The following ASPM variants were observed in gnomAD, a reference collection of about 807,000 sequenced individuals.
The protein encoded by ASPM is abnormal spindle-like microcephaly-associated protein.
Under a neutral mutation model 366.4 loss-of-function variants are expected in ASPM, and 256 were observed. The ratio of observed to expected loss-of-function variants is 0.70; its 90% CI spans 0.63 to 0.77. The LOEUF is 0.77. Among genes scored for constraint, ASPM ranks in the 30% least tolerant of loss-of-function variants. The probability of loss-of-function intolerance (pLI) is 0.00; values close to 1 mark genes in which losing one functional copy is unlikely to be tolerated. For synonymous variants in ASPM, 1,414 were observed against 1,342.9 expected (o/e 1.05, Z -1.16); for missense variants, 4,146 against 4,090.4 (o/e 1.01, Z -0.37).
Position 197,130,008 on chromosome 1 carries a change from CTG to C in ASPM, c.2534_2535del (p.Thr845ArgfsTer15). ...CGATTCAGAATAAACATAGCCAACC[CTG>C]TGACATCACTGTTATCTTCCAAAGA... The part of the protein sequence containing the change: ...LISLEDNSDV[T>X]GLAMFILNRL... On this transcript the variant is annotated frameshift_variant, in exon 8 of 28. Transcript: ENST00000367409. LOFTEE classifies it high-confidence loss of function. 6.2e-7 allele frequency: 1 copy of C among 1,613,964 alleles called. No homozygotes were observed. Among genetic ancestry groups the C allele is most frequent in the Non-Finnish European group, 8.5e-7 (1 of 1,179,918 alleles).
intron 25 of ASPM, among the ~76,000 whole-genome samples, chr1:197,089,092 G>A (rs887191698): frequency 6.6e-5 from 10 of 152,036 alleles, no homozygotes; most frequent in Admixed American, 4.6e-4. Context: ...ACAGTTTTGA[G>A]TACTGTTACT....
intron 16 of ASPM, among the ~76,000 whole-genome samples, chr1:197,121,322 C>T (rs1657900712): frequency 6.6e-6 from 1 of 151,918 alleles, no homozygotes; most frequent in African/African-American, 2.4e-5. Flanking sequence ...CTATTGGGGT[C>T]ACAAAGGGAA....
At chr1:197,145,717 A>G (rs1460276192) in intron 1 of ASPM, among the ~76,000 whole-genome samples, 1 of 152,160 alleles carries the variant, frequency 6.6e-6, no homozygotes, top group Non-Finnish European at 1.5e-5. Flanking sequence ...CAACGCCTTA[A>G]GTCTAGTAAA....
intron 3 of ASPM, among the ~76,000 whole-genome samples, chr1:197,140,277 T>G (rs896009439): frequency 6.6e-6 from 1 of 152,226 alleles, no homozygotes; most frequent in Non-Finnish European, 1.5e-5. Flanking sequence ...TTGAGTTAAC[T>G]TATGAAATTA....
intron 17 of ASPM, among the ~76,000 whole-genome samples, chr1:197,114,242 T>C (rs1199030131): frequency 6.6e-6 from 1 of 152,226 alleles, no homozygotes; most frequent in Non-Finnish European, 1.5e-5. Flanking sequence ...TTAAAAATAC[T>C]AAATTGCTAA....
chr1:197,117,154 A>G (rs970301423), intron 17 of ASPM, among the ~76,000 whole-genome samples: 1 of 152,094 alleles, frequency 6.6e-6, no homozygotes, highest in African/African-American at 2.4e-5. Flanking sequence ...AGACACAAAA[A>G]CTTTCAAATT....
chr1:197,090,784 G>T, intron 23 of ASPM, 66 bp downstream of exon 23: 1 of 1,426,978 alleles, frequency 7.0e-7, no homozygotes. Context: ...TTTTTATAGT[G>T]TTAGATATCA....
chr1:197,132,264 A>T, intron 7 of ASPM, 21 bp downstream of exon 7: 1 of 1,562,824 alleles, frequency 6.4e-7, no homozygotes. Flanking sequence ...ATTATTTTAG[A>T]AACCTGAAAT....
chr1:197,104,810 AT>A lies in ASPM; in HGVS notation c.4440del (p.Glu1480AspfsTer36). The A allele has an allele frequency of 6.3e-7, 1 of 1,579,632 alleles. No individual in the cohort carries two copies. Among genetic ancestry groups the A allele is most frequent in the Non-Finnish European group, 8.6e-7 (1 of 1,166,254 alleles). On this transcript the variant is annotated frameshift_variant, in exon 18 of 28. Transcript: ENST00000367409. LOFTEE classifies it high-confidence loss of function. ...GATCTAATATAAATATATTTCCGTA[AT>A]TCTTTATGCATTCTATACCATGATT... Reference protein sequence around the residue: ...IIQSWYRMHKELRKYIYIRSC... With the variant: ...IIQSWYRMHKXLRKYIYIRSC...
At position 197,122,407 on chromosome 1, in the gene ASPM, A is replaced by T. The variant is rs4915337; in HGVS notation, c.3579T>A (p.Ser1193=). 0.89 allele frequency: 1,429,030 copies of T among 1,613,582 alleles called. 641,187 individuals are homozygous for T. The highest frequency in any genetic ancestry group is 1 in the East Asian group (44,836 of 44,852). Reference sequence around the variant, plus strand: ...ACTAACCATGATCAAATGCTTTAAGAGACATATCCAGAGAACTGTCATCAG... The same window carrying T: ...ACTAACCATGATCAAATGCTTTAAGTGACATATCCAGAGAACTGTCATCAG... ...SESDDSSLDM[S]LKAFDHENTS... Residue 1193 remains serine, a synonymous_variant, in exon 14 of 28, where the codon TCT becomes TCA. Transcript: ENST00000367409.
In ASPM at chr1:197,146,328, G is replaced by C; in HGVS notation, c.110C>G (p.Pro37Arg). ...GCAGAAGTGGCTGAGAGACAGGACC[G>C]GCGGGGAAGACGCCTCCTCCTCGGC... is the stretch of plus-strand genomic sequence containing the variant. Reference protein sequence around the residue: ...PAAEEEASSPPVLSLSHFCRS... With the variant: ...PAAEEEASSPRVLSLSHFCRS... The change falls in exon 1 of 28, where the codon CCG becomes CGG. Residue 37 changes from proline to arginine, a missense_variant. Physicochemically the swap from Pro to Arg is moderately radical, Grantham distance 103 (BLOSUM62 -2). This residue lies in a region of ASPM where 512 missense variants were observed against 471.7 expected (regional missense o/e 1.09). Coordinates refer to ENST00000367409, the MANE Select transcript of ASPM (RefSeq NM_018136.5). 1.9e-6 allele frequency: 3 copies of C among 1,613,354 alleles called. No individual in the cohort carries two copies. The highest frequency in any genetic ancestry group is 2.5e-6 in the Non-Finnish European group (3 of 1,179,974).
chr1:197,104,568 T>G lies in ASPM; in HGVS notation c.4683A>C (p.Arg1561Ser). Residue 1561 changes from arginine (R) to serine (S), a missense_variant, in exon 18 of 28, where the codon AGA becomes AGC. This residue lies in a region of ASPM where 3,624 missense variants were observed against 3,591.7 expected (regional missense o/e 1.01). Transcript: ENST00000367409. ...AGTATGACTGAATAACACAAGCAGC[T>G]CTAATTTGTCTACATAAATTATGAG... Reference protein sequence around the residue: ...LKAHNLCRQIRAACVIQSYWR... With the variant: ...LKAHNLCRQISAACVIQSYWR... The G allele has an allele frequency of 6.2e-7, 1 of 1,612,890 alleles. No homozygotes were observed. Among genetic ancestry groups the G allele is most frequent in the Non-Finnish European group, 8.5e-7 (1 of 1,179,418 alleles).
intron 17 of ASPM, among the ~76,000 whole-genome samples, chr1:197,112,584 C>A (rs920135775): frequency 6.6e-6 from 1 of 152,054 alleles, no homozygotes; most frequent in African/African-American, 2.4e-5. Flanking sequence ...ATTCAGCTAC[C>A]CCTGTGCTCA....
chr1:197,138,481 A>G (rs1658484980), intron 4 of ASPM, among the ~76,000 whole-genome samples: 1 of 152,174 alleles, frequency 6.6e-6, no homozygotes, highest in Non-Finnish European at 1.5e-5. Flanking sequence ...TATTCCCAGC[A>G]GAGACAGGGC....
In ASPM at chr1:197,102,214, CTGAA is replaced by C; in HGVS notation, c.7033_7036del (p.Phe2345GlufsTer7). 2 of 1,612,794 alleles carry C rather than the reference CTGAA, an allele frequency of 1.2e-6. No individual in the cohort carries two copies. The highest frequency in any genetic ancestry group is 1.7e-6 in the Non-Finnish European group (2 of 1,179,298). The stretch of plus-strand genomic sequence containing the variant: ...ATATCTCATATGTAATCTGTGCATT[CTGAA>C]AGTAGACTGGATGAAAGTAGCAGCC... On this transcript the variant is annotated frameshift_variant, in exon 18 of 28. Transcript: ENST00000367409. LOFTEE classifies it high-confidence loss of function.
chr1:197,093,515 A>G (rs1488353547), intron 20 of ASPM, among the ~76,000 whole-genome samples: 2 of 151,896 alleles, frequency 1.3e-5, no homozygotes, highest in African/African-American at 4.8e-5. Context: ...TCCTCTTGAT[A>G]CTTTTCATTG....
chr1:197,130,860 A>ATT lies in ASPM; in HGVS notation c.2488-805_2488-804insAA, dbSNP rs200180788. Among the ~76,000 whole-genome samples the ATT allele has an allele frequency of 3.9e-4, 60 of 152,324 alleles. No individual in the cohort carries two copies. In the East Asian group the frequency reaches 8.9e-3, roughly 23 times the overall value. ...ATTCCTAACTAGTTTGTGCTTAGCT[A>ATT]CATAATGTGCTTTGGCCAATGGAAT... On this transcript the variant is annotated intron_variant, in intron 7 of 27. Coordinates refer to ENST00000367409, the MANE Select transcript of ASPM (RefSeq NM_018136.5).
Position 197,132,343 on chromosome 1 carries a change from T to C in ASPM, c.2429A>G (p.Gln810Arg), listed in dbSNP as rs1658282350. 1 of 1,613,364 alleles carries C rather than the reference T, an allele frequency of 6.2e-7. No homozygotes were observed. The highest frequency in any genetic ancestry group is 8.5e-7 in the Non-Finnish European group (1 of 1,179,546). Residue 810 changes from glutamine to arginine, a missense_variant, in exon 7 of 28, where the codon CAG becomes CGG. By Grantham distance (43) the Gln-to-Arg change is conservative. Coordinates refer to ENST00000367409, the MANE Select transcript of ASPM (RefSeq NM_018136.5). ...RHLWKDVGERQKVLNWLLSYN... is the reference protein window; with the variant it reads ...RHLWKDVGERRKVLNWLLSYN... ...GGACAACAGCCAATTCAGGACTTTC[T>C]GACGTTCTCCTGAAATGCATGTCAA... is the stretch of plus-strand genomic sequence containing the variant.
In ASPM at chr1:197,117,953, A is replaced by G. The variant is rs1162621745; in HGVS notation, c.3901T>C (p.Leu1301=). The change falls in exon 17 of 28, where the codon TTG becomes CTG. Residue 1301 remains leucine, a synonymous_variant. Transcript: ENST00000367409. ...TTTGCTAGAAAATTGATTACAGCCA[A>G]TTGAATAATTCTTGCAGCTTTCTCT... ...EREKAARIIQ[L]AVINFLAKQR... is the part of the protein sequence containing the mutation. 1 of 1,613,460 alleles carries G rather than the reference A, an allele frequency of 6.2e-7. No homozygotes were observed. The highest frequency in any genetic ancestry group is 8.5e-7 in the Non-Finnish European group (1 of 1,179,696).
Sources: allele counts gnomAD v4.1 joint callset (sites outside exome capture counted in the v4.1 genomes callset), GRCh38; gene constraint gnomAD v4.1.1; regional missense constraint gnomAD v4.1.1; transcripts MANE v1.5; gene names NCBI Gene and HGNC (gene_info 2026-07-23, HGNC 2026-07-21).